The following DPP6 variants were observed in gnomAD, a reference collection of about 807,000 sequenced individuals.
DPP6 encodes dipeptidyl peptidase like 6.
Under a neutral mutation model 122.6 loss-of-function variants are expected in DPP6, and 69 were observed. The observed-to-expected ratio is 0.56, with a 90% confidence interval of 0.46 to 0.69. The LOEUF (loss-of-function observed/expected upper bound fraction) is 0.69, where lower values mean the gene tolerates loss of function less well. Among genes scored for constraint, DPP6 ranks in the 30% least tolerant of loss-of-function variants. The pLI is 0.00. For missense variants in DPP6, 928 were observed against 1,116.9 expected (o/e 0.83, Z 2.41); for synonymous variants, 418 against 433.1 (o/e 0.97, Z 0.43).
intron 5 of DPP6, among the ~76,000 whole-genome samples, chr7:154,607,810 TG>T (rs1436808182): frequency 8.4e-6 from 1 of 118,708 alleles, no homozygotes; most frequent in Non-Finnish European, 1.9e-5. Flanking sequence ...ATGTGTTAAT[TG>T]ACTATGTTAT....
chr7:154,592,026 G>C (rs1015072737), intron 5 of DPP6, among the ~76,000 whole-genome samples: 1 of 152,216 alleles, frequency 6.6e-6, no homozygotes. Context: ...GTAGGAAGAC[G>C]GGAATCTAGT....
intron 16 of DPP6, among the ~76,000 whole-genome samples, chr7:154,824,468 A>T (rs1800012248): frequency 6.6e-6 from 1 of 152,084 alleles, no homozygotes; most frequent in East Asian, 1.9e-4. Context: ...TAGTAGAGAC[A>T]GGGTTTCACC....
intron 1 of DPP6, among the ~76,000 whole-genome samples, chr7:154,064,838 A>T (rs1384691662): frequency 2.6e-5 from 4 of 152,134 alleles, no homozygotes; most frequent in African/African-American, 9.7e-5. Context: ...AGCCACTTGG[A>T]GTCAGTTGTG....
At chr7:154,120,480 G>A (rs1224917568) in intron 1 of DPP6, among the ~76,000 whole-genome samples, 6 of 151,994 alleles carry the variant, frequency 3.9e-5, no homozygotes, top group African/African-American at 7.2e-5. Context: ...TCTTGACCTC[G>A]TGATCCGCCC....
chr7:154,488,822 C>G (rs1049389099), intron 3 of DPP6, among the ~76,000 whole-genome samples: 1 of 152,120 alleles, frequency 6.6e-6, no homozygotes, highest in African/African-American at 2.4e-5. Flanking sequence ...TCATCCTGGT[C>G]TCTTTTCCAC....
intron 6 of DPP6, among the ~76,000 whole-genome samples, chr7:154,663,075 G>GCA (rs1837863652): frequency 1.7e-5 from 1 of 59,444 alleles, no homozygotes; most frequent in African/African-American, 4.2e-5. Context: ...AATCACCATG[G>GCA]TATATTGGCC....
rs1800437512 is a variant in DPP6, at chr7:154,052,641, T to C, written c.-180T>C. 2.4e-6 allele frequency: 3 copies of C among 1,263,652 alleles called. No individual in the cohort carries two copies. In the African/African-American group the frequency reaches 4.8e-5, roughly 20 times the overall value. The allele number at this position is 1,263,652 out of a possible 1,614,324, so 78.3% of individuals were successfully genotyped here. A position where few individuals can be genotyped will look rare whatever the true frequency, so the allele number is the denominator to read the frequency against. ...GCCAGGCAGAGTCGCCAGCGGAGAC[T>C]CGCGAGTGGCGCGCGGGAGGAGCGG... On this transcript the variant is annotated 5_prime_UTR_variant, in exon 1 of 26. Transcript: ENST00000377770. The surrounding 1 kb of genome is among the most constrained non-coding windows in gnomAD (Gnocchi z 4.8).
At chr7:153,778,181 G>A in the DPP6 span, among the ~76,000 whole-genome samples, 2 of 149,894 alleles carry the variant, frequency 1.3e-5, no homozygotes, top group Non-Finnish European at 2.9e-5. Flanking sequence ...TAAATGCATT[G>A]TAGATAATGA....
intron 1 of DPP6, chr7:154,059,243 CA>C (rs1275973348): frequency 6.7e-6 from 1 of 149,898 alleles, no homozygotes; most frequent in African/African-American, 2.5e-5. Context: ...CCTGTTCCCC[CA>C]CTGGCTCTTA....
At chr7:154,128,395 T>C (rs1438113566) in intron 1 of DPP6, among the ~76,000 whole-genome samples, 1 of 152,300 alleles carries the variant, frequency 6.6e-6, no homozygotes, top group East Asian at 1.9e-4. Context: ...GGCAACATAG[T>C]GAGACTGTCT....
chr7:153,866,222 C>T, the DPP6 span, among the ~76,000 whole-genome samples: 6 of 152,122 alleles, frequency 3.9e-5, no homozygotes, highest in African/African-American at 7.2e-5. Context: ...CCCGAGGAAT[C>T]GCCACACTGA....
Position 154,651,174 on chromosome 7 carries a change from C to T in DPP6, c.680+13301C>T, listed in dbSNP as rs115482114. 7.7e-3 allele frequency among the ~76,000 whole-genome samples: 1,176 copies of T among 152,184 alleles called. 16 individuals carry two copies. Among genetic ancestry groups the T allele is most frequent in the Middle Eastern group, 0.041 (12 of 294 alleles). On this transcript the variant is annotated intron_variant, in intron 6 of 25. Transcript: ENST00000377770. ...AGCACTGCACTAGGTACTAGCACTG[C>T]ACTAGGTAATAGCACTGCACTAGGT...
At chr7:154,289,091 C>G (rs546661537) in intron 1 of DPP6, among the ~76,000 whole-genome samples, 1 of 151,864 alleles carries the variant, frequency 6.6e-6, no homozygotes, top group African/African-American at 2.4e-5. Context: ...TAATACTAAA[C>G]GGAAGCTGAT....
chr7:154,717,799 A>C (rs1024285359), intron 7 of DPP6, among the ~76,000 whole-genome samples: 1 of 151,974 alleles, frequency 6.6e-6, no homozygotes, highest in Non-Finnish European at 1.5e-5. Context: ...TAGTAGCTCT[A>C]TTTTTCATTT....
intron 1 of DPP6, among the ~76,000 whole-genome samples, chr7:154,204,793 G>GTGTGTT (rs985714325): frequency 6.6e-6 from 1 of 151,952 alleles, no homozygotes; most frequent in South Asian, 2.1e-4. Flanking sequence ...TTGTGTGTGT[G>GTGTGTT]TGTGTCTGTA....
rs1436910977 is a variant in DPP6 at position 154,127,859 on chromosome 7, A to G, written c.243+74796A>G. Among the ~76,000 whole-genome samples, 7 of 152,068 alleles carry G rather than the reference A, an allele frequency of 4.6e-5. No homozygotes were observed. In the South Asian group the frequency reaches 6.2e-4, roughly 14 times the overall value. On this transcript the variant is annotated intron_variant, in intron 1 of 25. Transcript: ENST00000377770. ...CAGCTCTGATGTCTGTGGTTGCTGT[A>G]GCAGCAGGCTAAGCCACACCTGACC...
the DPP6 span, among the ~76,000 whole-genome samples, chr7:153,857,232 G>A: frequency 1.7e-3 from 265 of 151,586 alleles, no homozygotes; most frequent in Non-Finnish European, 3.3e-3. Context: ...TTGCAAAATA[G>A]TTAAGCACAA....
chr7:154,597,473 C>T (rs1359978854), intron 5 of DPP6, among the ~76,000 whole-genome samples: 1 of 151,914 alleles, frequency 6.6e-6, no homozygotes, highest in Non-Finnish European at 1.5e-5. Flanking sequence ...GTTAGCCAGG[C>T]GTGGTGGCAG....
At chr7:154,860,470 G>T (rs1009594883) in intron 17 of DPP6, among the ~76,000 whole-genome samples, 15 of 152,228 alleles carry the variant, frequency 9.9e-5, no homozygotes, top group African/African-American at 3.6e-4. Context: ...GCTGCTGGGG[G>T]CCATGGTGGA....
Sources: allele counts gnomAD v4.1 joint callset (sites outside exome capture counted in the v4.1 genomes callset), GRCh38; gene constraint gnomAD v4.1.1; non-coding constraint Gnocchi (gnomAD v3.1); transcripts MANE v1.5; gene names NCBI Gene and HGNC (gene_info 2026-07-23, HGNC 2026-07-21).